The following GRID2 variants were observed in gnomAD, a reference collection of about 807,000 sequenced individuals.
GRID2 encodes the protein glutamate receptor ionotropic, delta-2.
GRID2 carries 33 observed loss-of-function variants against 114.8 expected under a neutral mutation model. That is an observed-to-expected ratio of 0.29 (90% confidence interval 0.22 to 0.38). The LOEUF is 0.38. GRID2 is among the 10% of genes least tolerant of loss of function. The probability of loss-of-function intolerance (pLI) is 1.00; values close to 1 mark genes in which losing one functional copy is unlikely to be tolerated. For missense variants in GRID2, 1,184 were observed against 1,257.7 expected, an observed-to-expected ratio of 0.94 and a Z score of 0.89; for synonymous variants, 505 against 449.9, an observed-to-expected ratio of 1.12 and a Z score of -1.55.
At chr4:92,713,154 AC>A (rs368057442) in intron 2 of GRID2, among the ~76,000 whole-genome samples, 1 of 145,582 alleles carries the variant, frequency 6.9e-6, no homozygotes, top group South Asian at 2.2e-4. Context: ...CGCTCCCCCC[AC>A]CCCACAACAG....
chr4:92,581,050 AAG>A (rs1333998660), intron 1 of GRID2, among the ~76,000 whole-genome samples: 3 of 151,916 alleles, frequency 2.0e-5, no homozygotes, highest in African/African-American at 7.2e-5. Context: ...GCAATAGAGA[AAG>A]AGACTGCAAC....
At chr4:93,369,856 A>G (rs1034508822) in intron 8 of GRID2, among the ~76,000 whole-genome samples, 4 of 152,188 alleles carry the variant, frequency 2.6e-5, no homozygotes, top group Non-Finnish European at 5.9e-5. Flanking sequence ...TAATTATTTT[A>G]CAAATATAAA....
chr4:93,135,697 T>C (rs759459187), intron 4 of GRID2, among the ~76,000 whole-genome samples: 1 of 152,144 alleles, frequency 6.6e-6, no homozygotes, highest in African/African-American at 2.4e-5. Flanking sequence ...AGTTTGAAAA[T>C]AAACTAAGCC....
intron 2 of GRID2, among the ~76,000 whole-genome samples, chr4:92,934,732 T>C (rs1186054840): frequency 6.8e-6 from 1 of 146,312 alleles, no homozygotes; most frequent in African/African-American, 2.4e-5. Context: ...GAAATAACAC[T>C]GCATGTCTAC....
chr4:93,738,814 A>T (rs1731140122), intron 14 of GRID2, among the ~76,000 whole-genome samples: 1 of 152,140 alleles, frequency 6.6e-6, no homozygotes, highest in Non-Finnish European at 1.5e-5. Flanking sequence ...TATGATTATT[A>T]TGATGGAATT....
chr4:92,362,372 C>T (rs1245055734), intron 1 of GRID2, among the ~76,000 whole-genome samples: 1 of 151,820 alleles, frequency 6.6e-6, no homozygotes, highest in Non-Finnish European at 1.5e-5. Context: ...AAGTAGATTG[C>T]AAAATAATGA....
At chr4:92,321,587 G>A (rs1418465331) in intron 1 of GRID2, among the ~76,000 whole-genome samples, 2 of 152,098 alleles carry the variant, frequency 1.3e-5, no homozygotes, top group Middle Eastern at 3.4e-3. Flanking sequence ...TTAATAAGTC[G>A]GTCCATTGTA....
At chr4:93,209,063 A>T (rs1165589934) in intron 5 of GRID2, among the ~76,000 whole-genome samples, 1 of 151,928 alleles carries the variant, frequency 6.6e-6, no homozygotes, top group Non-Finnish European at 1.5e-5. Context: ...AATCTTTTTC[A>T]GTGTAAAGCT....
intron 10 of GRID2, among the ~76,000 whole-genome samples, chr4:93,426,366 C>G (rs1768850542): frequency 6.6e-6 from 1 of 151,948 alleles, no homozygotes; most frequent in Non-Finnish European, 1.5e-5. Flanking sequence ...TGATCTGAAC[C>G]CAGATTAGCA....
At chr4:92,946,012 A>G (rs1478260749) in intron 2 of GRID2, among the ~76,000 whole-genome samples, 1 of 152,030 alleles carries the variant, frequency 6.6e-6, no homozygotes, top group Non-Finnish European at 1.5e-5. Context: ...ATGACTACCA[A>G]TTGTTCTTTT....
chr4:93,147,760 A>G (rs1736395299), intron 4 of GRID2, among the ~76,000 whole-genome samples: 1 of 152,220 alleles, frequency 6.6e-6, no homozygotes, highest in Admixed American at 6.5e-5. Flanking sequence ...CTCTTTTCTA[A>G]GACATTAAAT....
intron 14 of GRID2, among the ~76,000 whole-genome samples, chr4:93,644,701 A>C (rs944726722): frequency 6.6e-6 from 1 of 152,152 alleles, no homozygotes; most frequent in African/African-American, 2.4e-5. Flanking sequence ...ATTACTTCTT[A>C]ACCAGAATGT....
rs557364949 is a variant in GRID2 at position 92,855,626 on chromosome 4, C to A, written c.245-229369C>A. 1.5e-4 allele frequency among the ~76,000 whole-genome samples: 23 copies of A among 151,714 alleles called. No homozygotes were observed. The South Asian group carries it at 4.8e-3, about 32-fold the overall frequency. On this transcript the variant is annotated intron_variant, in intron 2 of 15. Transcript: ENST00000282020. ...ACATACTATACACTAGTGTAATGGCCTTGGGAATATAGGTCAAAGGAAAGT... is the reference window on the plus strand; with the variant it reads ...ACATACTATACACTAGTGTAATGGCATTGGGAATATAGGTCAAAGGAAAGT...
intron 2 of GRID2, among the ~76,000 whole-genome samples, chr4:92,628,484 G>A (rs755649216): frequency 3.3e-5 from 5 of 151,972 alleles, no homozygotes; most frequent in Non-Finnish European, 7.4e-5. Context: ...TCAGCCTCCC[G>A]AGTAGCTGGG....
chr4:92,638,285 C>A (rs1467215737), intron 2 of GRID2, among the ~76,000 whole-genome samples: 1 of 151,536 alleles, frequency 6.6e-6, no homozygotes, highest in African/African-American at 2.4e-5. Context: ...AGCCAGAGAA[C>A]AAACTCTGTA....
intron 9 of GRID2, among the ~76,000 whole-genome samples, chr4:93,408,150 C>G (rs1766718027): frequency 6.6e-6 from 1 of 152,138 alleles, no homozygotes. Context: ...CAAGGTCTTT[C>G]ACTGTTTTAA....
chr4:92,732,665 T>G (rs1009846193), intron 2 of GRID2, among the ~76,000 whole-genome samples: 2 of 152,094 alleles, frequency 1.3e-5, no homozygotes, highest in Non-Finnish European at 2.9e-5. Context: ...TTTCAAATGG[T>G]TGTTATCATT....
chr4:92,870,860 G>A (rs1052872355), intron 2 of GRID2, among the ~76,000 whole-genome samples: 20 of 152,102 alleles, frequency 1.3e-4, no homozygotes, highest in African/African-American at 4.3e-4. Flanking sequence ...TATATATTGT[G>A]TTTATAACTT....
chr4:92,427,374 T>A (rs1331695967), intron 1 of GRID2, among the ~76,000 whole-genome samples: 3 of 152,012 alleles, frequency 2.0e-5, no homozygotes, highest in African/African-American at 7.2e-5. Context: ...CCCATGAAAA[T>A]GAAAAAGATA....
Sources: allele counts gnomAD v4.1 joint callset (sites outside exome capture counted in the v4.1 genomes callset), GRCh38; gene constraint gnomAD v4.1.1; transcripts MANE v1.5; gene names NCBI Gene and HGNC (gene_info 2026-07-23, HGNC 2026-07-21).